XPO1: variants seen among roughly 807,000 people sequenced by gnomAD.
The protein encoded by XPO1 is exportin-1.
XPO1 carries 5 observed loss-of-function variants against 133.3 expected under a neutral mutation model. The observed-to-expected ratio is 0.04, with a 90% CI of 0.02 to 0.08. The LOEUF is 0.08. XPO1 is among the 10% of genes least tolerant of loss of function. The pLI is 1.00. For synonymous variants in XPO1, 419 were observed against 408.2 expected (o/e 1.03, Z -0.32); for missense variants, 506 against 1,267.5 (o/e 0.40, Z 9.12).
intron 7 of XPO1, 23 bp from the exon 8 acceptor site, chr2:61,498,936 A>G (rs1167845003): frequency 1.9e-6 from 3 of 1,562,972 alleles, no homozygotes; most frequent in Non-Finnish European, 1.7e-6. Flanking sequence ...ACACACAAAA[A>G]TATCAGATTT....
chr2:61,500,669 C>T (rs1213001299), intron 6 of XPO1, among the ~76,000 whole-genome samples: 1 of 149,810 alleles, frequency 6.7e-6, no homozygotes, highest in Non-Finnish European at 1.5e-5. Context: ...GGTGGTGGCG[C>T]GGGCCAGTAG....
intron 17 of XPO1, 109 bp from the exon 18 acceptor site, chr2:61,488,880 T>C: frequency 2.5e-6 from 3 of 1,184,976 alleles, no homozygotes; most frequent in Non-Finnish European, 3.6e-6. Context: ...GGCGGGCGGA[T>C]GATGAGTTCA....
chr2:61,478,221 AT>A lies in XPO1; in HGVS notation c.*598del. On this transcript the variant is annotated 3_prime_UTR_variant, in exon 25 of 25. Transcript: ENST00000401558. ...CAAAAACAAAAAGAACTGTGTAAAA[AT>A]AACTAACTGTGTTCCCATATTTTTG... The A allele has an allele frequency of 4.3e-6, 1 of 233,738 alleles. No individual in the cohort carries two copies. The highest frequency in any genetic ancestry group is 1.8e-4 in the South Asian group (1 of 5,528). 14.5% of individuals were successfully genotyped at this position (233,738 alleles called of 1,614,324 possible).
intron 5 of XPO1, 85 bp downstream of exon 5, chr2:61,502,164 G>T: frequency 1.3e-6 from 2 of 1,534,024 alleles, no homozygotes; most frequent in South Asian, 1.2e-5. Flanking sequence ...GTGTGACTAT[G>T]TGTCTTGACA....
At chr2:61,535,038 G>C (rs1030526570) in intron 1 of XPO1, among the ~76,000 whole-genome samples, 3 of 152,162 alleles carry the variant, frequency 2.0e-5, no homozygotes, top group Non-Finnish European at 2.9e-5. Flanking sequence ...AATTCTAACA[G>C]AAAAATGAGC....
At chr2:61,484,275 C>T (rs562672584) in intron 20 of XPO1, 170 bp from the exon 21 acceptor site, 14 of 566,434 alleles carry the variant, frequency 2.5e-5, no homozygotes, top group South Asian at 1.2e-4. Context: ...CCACCTCTCA[C>T]GGAAAATGAA....
intron 6 of XPO1, among the ~76,000 whole-genome samples, 199 bp downstream of exon 6, chr2:61,501,797 G>A (rs529296284): frequency 2.9e-4 from 43 of 150,678 alleles, no homozygotes; most frequent in Non-Finnish European, 2.7e-4. Context: ...CCACATAAAT[G>A]ATGGCTTTAA....
chr2:61,486,959 G>A (rs1351433653), intron 19 of XPO1, among the ~76,000 whole-genome samples: 1 of 151,744 alleles, frequency 6.6e-6, no homozygotes, highest in East Asian at 1.9e-4. Context: ...AGTAAACTGA[G>A]TTATACTTAA....
Position 61,494,018 on chromosome 2 carries a change from T to A in XPO1, c.1121A>T (p.Asn374Ile). The change falls in exon 12 of 25, where the codon AAT (asparagine) becomes ATT (isoleucine). Residue 374 changes from asparagine to isoleucine, a missense_variant. Physicochemically the swap from Asn to Ile is moderately radical, Grantham distance 149. Around this residue, in one of 6 missense-constraint regions of XPO1, gnomAD observed 134 missense variants for 261.6 expected, o/e 0.51. Transcript: ENST00000401558. ...EIFKICLEYW[N>I]HLAAELYRES... ...TCTATAGAGTTCAGCAGCCAAATGA[T>A]TCCAGTATTCAAGACAAATTTTAAA... 6.2e-7 allele frequency: 1 copy of A among 1,614,106 alleles called. No individual in the cohort carries two copies. Among genetic ancestry groups the A allele is most frequent in the African/African-American group, 1.3e-5 (1 of 75,052 alleles).
intron 3 of XPO1, chr2:61,525,991 G>C: frequency 9.4e-7 from 1 of 1,060,482 alleles, no homozygotes; most frequent in Non-Finnish European, 1.1e-6. Flanking sequence ...AAAACTGAGT[G>C]CTGTCCCATT....
intron 4 of XPO1, among the ~76,000 whole-genome samples, chr2:61,503,819 G>C (rs1697665402): frequency 6.6e-6 from 1 of 152,162 alleles, no homozygotes; most frequent in Admixed American, 6.5e-5. Context: ...CACCTGCCTT[G>C]GCCTCCCAGA....
chr2:61,482,629 G>A (rs1412534352), intron 22 of XPO1, 90 bp from the exon 23 acceptor site: 30 of 1,166,676 alleles, frequency 2.6e-5, no homozygotes, highest in Middle Eastern at 3.0e-4. Flanking sequence ...TTTTTTAGAC[G>A]GAGTCTCGCT....
chr2:61,516,615 T>C (rs866137153), intron 4 of XPO1, among the ~76,000 whole-genome samples: 8 of 151,846 alleles, frequency 5.3e-5, no homozygotes, highest in Non-Finnish European at 1.0e-4. Context: ...GGTTTCTCCA[T>C]GTTGGTCAGG....
intron 4 of XPO1, among the ~76,000 whole-genome samples, chr2:61,517,607 GACTAC>G (rs925738176): frequency 5.3e-5 from 8 of 152,050 alleles, no homozygotes; most frequent in Non-Finnish European, 8.8e-5. Context: ...ATAAATAAAA[GACTAC>G]CATGAATAGC....
chr2:61,481,983 C>T (rs138902982), intron 23 of XPO1, among the ~76,000 whole-genome samples: 21 of 149,040 alleles, frequency 1.4e-4, no homozygotes, highest in Non-Finnish European at 2.8e-4. Context: ...GATTCACCCA[C>T]CTCAGCCTCC....
chr2:61,493,756 T>C, intron 12 of XPO1, 138 bp downstream of exon 12: 1 of 881,554 alleles, frequency 1.1e-6, no homozygotes, highest in Non-Finnish European at 1.8e-6. Flanking sequence ...TTTCATGTTC[T>C]AGTTTTCCAC....
intron 4 of XPO1, among the ~76,000 whole-genome samples, chr2:61,520,558 G>A (rs1338835805): frequency 6.6e-6 from 1 of 152,114 alleles, no homozygotes; most frequent in African/African-American, 2.4e-5. Context: ...AGGCTGAGGT[G>A]GGAGGATTGC....
At chr2:61,484,141 G>A (rs760184087) in intron 20 of XPO1, 36 bp from the exon 21 acceptor site, 1 of 1,571,386 alleles carries the variant, frequency 6.4e-7, no homozygotes, top group Non-Finnish European at 8.7e-7. Context: ...TAATGTTTCA[G>A]TGTCTTTGTT....
In XPO1 at chr2:61,518,334, C is replaced by T. The variant is rs183500410; in HGVS notation, c.301+4277G>A. Among the ~76,000 whole-genome samples, 533 of 151,088 alleles carry T rather than the reference C, an allele frequency of 3.5e-3. 3 individuals are homozygous for T. The highest frequency in any genetic ancestry group is 0.011 in the African/African-American group (460 of 41,126). ...TTGGGAGGCCGAGGCAGGCGGATGACGAGGTCAGGAGATCGAGACCATCCT... is the reference window on the plus strand; with the variant it reads ...TTGGGAGGCCGAGGCAGGCGGATGATGAGGTCAGGAGATCGAGACCATCCT... On this transcript the variant is annotated intron_variant, in intron 4 of 24. Transcript: ENST00000401558.
Sources: gnomAD v4.1 joint callset for allele counts (sites outside exome capture counted in the v4.1 genomes callset) on GRCh38, gnomAD v4.1.1 for gene constraint, gnomAD v4.1.1 regional missense constraint, MANE v1.5 for transcripts, NCBI Gene and HGNC (gene_info 2026-07-23, HGNC 2026-07-21) for gene names.